Variants in RAF1 observed in about 807,000 individuals in gnomAD.
RAF1 encodes RAF proto-oncogene serine/threonine-protein kinase.
A neutral mutation model predicts 81.1 loss-of-function variants in RAF1; 27 were observed. The observed-to-expected ratio is 0.33, with a 90% CI of 0.25 to 0.46. The LOEUF is 0.46. Ranked by LOEUF, RAF1 falls within the 20% of genes least tolerant of loss-of-function variation. The probability of loss-of-function intolerance (pLI) is 1.00; values close to 1 mark genes in which losing one functional copy is unlikely to be tolerated. For missense variants in RAF1, 598 were observed against 826.0 expected (o/e 0.72, Z 3.38); for synonymous variants, 298 against 294.0 (o/e 1.01, Z -0.14).
chr3:12,647,252 C>G (rs1265463196), intron 1 of RAF1, among the ~76,000 whole-genome samples: 4 of 146,564 alleles, frequency 2.7e-5, no homozygotes. Flanking sequence ...GCTGAGATCG[C>G]GCCACTGCAC....
In RAF1 at chr3:12,628,576, T is replaced by C. The variant is rs187972210; in HGVS notation, c.-26-9829A>G. Among the ~76,000 whole-genome samples, 1,148 of 152,184 alleles carry C rather than the reference T, an allele frequency of 7.5e-3. 7 individuals carry two copies. The highest frequency in any genetic ancestry group is 0.025 in the African/African-American group (1,053 of 41,540). On this transcript the variant is annotated intron_variant, in intron 1 of 17. Coordinates refer to ENST00000442415, the MANE Select transcript of RAF1 (RefSeq NM_001354689.3). ...CTAGTTTTCATGTATTTCATTATCG[T>C]GTTAATAAGAAAAAAATCTCAGTAT...
chr3:12,656,449 G>A (rs113145003), intron 1 of RAF1, among the ~76,000 whole-genome samples: 4 of 152,104 alleles, frequency 2.6e-5, no homozygotes, highest in Non-Finnish European at 2.9e-5. Context: ...TCCTCCAACA[G>A]ACAGGTCCTA....
intron 13 of RAF1, chr3:12,589,744 GACAGAGTGAGA>G: frequency 6.6e-6 from 1 of 151,996 alleles, no homozygotes; most frequent in South Asian, 2.1e-4. Flanking sequence ...TAGCATAGGT[GACAGAGTGAGA>G]ACCTGTGTCT....
At chr3:12,608,685 G>C (rs1049976478) in intron 5 of RAF1, 81 bp downstream of exon 5, 1 of 1,480,542 alleles carries the variant, frequency 6.8e-7, no homozygotes, top group Admixed American at 1.7e-5. Flanking sequence ...AGACCTGTCA[G>C]TCAAAATCTA....
chr3:12,653,054 G>C (rs1380545972), intron 1 of RAF1, among the ~76,000 whole-genome samples: 4 of 152,150 alleles, frequency 2.6e-5, no homozygotes, highest in Admixed American at 6.6e-5. Flanking sequence ...GGATGATGCG[G>C]GTAGATCGCT....
Position 12,591,646 on chromosome 3 carries a change from A to G in RAF1, c.1253+62T>C, listed in dbSNP as rs543588551. 4.1e-5 allele frequency: 59 copies of G among 1,436,414 alleles called. No homozygotes were observed. In the East Asian group the frequency reaches 1.0e-3, roughly 24 times the overall value. 89.0% of individuals were successfully genotyped at this position (1,436,414 alleles called of 1,614,324 possible). ...ACCTGCGGCACAGTCCACTAACTCT[A>G]CAGTCCTTGTACTCCCCACTCCAGC... On this transcript the variant is annotated intron_variant, in intron 12 of 17. Coordinates refer to ENST00000442415, the MANE Select transcript of RAF1 (RefSeq NM_001354689.3).
intron 1 of RAF1, among the ~76,000 whole-genome samples, chr3:12,621,200 C>T (rs1444631404): frequency 6.6e-6 from 1 of 152,198 alleles, no homozygotes; most frequent in Non-Finnish European, 1.5e-5. Context: ...CCCCATTTTA[C>T]AGTTGAGAAA....
Position 12,635,232 on chromosome 3 carries a change from T to C in RAF1, c.-26-16485A>G, listed in dbSNP as rs145835084. On this transcript the variant is annotated intron_variant, in intron 1 of 17. Transcript: ENST00000442415. ...TACTCAGGAGGCTGACGCAGGAGAA[T>C]TGCTTGAAACCGGGAGGCGGAGGTT... 5.8e-3 allele frequency among the ~76,000 whole-genome samples: 847 copies of C among 147,018 alleles called. 8 individuals carry two copies. The highest frequency in any genetic ancestry group is 0.019 in the African/African-American group (744 of 39,714).
intron 8 of RAF1, among the ~76,000 whole-genome samples, chr3:12,601,133 A>G (rs371474626): frequency 2.0e-5 from 3 of 152,228 alleles, no homozygotes; most frequent in South Asian, 2.1e-4. Context: ...AGCAGCCTAT[A>G]TACTTTATCC....
chr3:12,636,012 G>A (rs377588162), intron 1 of RAF1, among the ~76,000 whole-genome samples: 22 of 151,394 alleles, frequency 1.5e-4, no homozygotes, highest in Non-Finnish European at 3.1e-4. Flanking sequence ...TAGGCCAGGC[G>A]TGGTGGCTCA....
chr3:12,595,031 T>C (rs538329160), intron 11 of RAF1, among the ~76,000 whole-genome samples: 3 of 152,304 alleles, frequency 2.0e-5, no homozygotes, highest in South Asian at 2.1e-4. Flanking sequence ...GCAAACATTA[T>C]AGGAAAACGG....
intron 11 of RAF1, among the ~76,000 whole-genome samples, chr3:12,597,988 T>C (rs1489670742): frequency 1.4e-5 from 2 of 142,224 alleles, no homozygotes; most frequent in Non-Finnish European, 3.0e-5. Context: ...CAGTAGTACA[T>C]ACTAGATGCA....
At position 12,618,661 on chromosome 3, in the gene RAF1, C is replaced by T. The variant is rs752484962; in HGVS notation, c.61G>A (p.Val21Met). The T allele has an allele frequency of 8.1e-6, 13 of 1,614,092 alleles. No homozygotes were observed. The highest frequency in any genetic ancestry group is 1.6e-4 in the Middle Eastern group (1 of 6,084). Residue 21 changes from valine (V) to methionine (M), a missense_variant, in exon 2 of 18, where the codon GTG (valine) becomes ATG (methionine). Around this residue, in one of 5 missense-constraint regions of RAF1, gnomAD observed 83 missense variants for 72.3 expected, o/e 1.15. Transcript: ENST00000442415. Reference sequence around the variant, plus strand: ...GAGATGCAGCTGGAGCCATCAAACACGGCATCTTTGAATCCAAAACCATTG... The same window carrying T: ...GAGATGCAGCTGGAGCCATCAAACATGGCATCTTTGAATCCAAAACCATTG...
chr3:12,655,369 A>G (rs1298130659), intron 1 of RAF1, among the ~76,000 whole-genome samples: 1 of 152,234 alleles, frequency 6.6e-6, no homozygotes, highest in African/African-American at 2.4e-5. Flanking sequence ...TACAGGCATG[A>G]GCCACCGTGC....
intron 1 of RAF1, among the ~76,000 whole-genome samples, chr3:12,623,561 G>A (rs2059610240): frequency 6.6e-6 from 1 of 152,030 alleles, no homozygotes; most frequent in African/African-American, 2.4e-5. Flanking sequence ...ACTTAGGGAG[G>A]CCGAGGCAGA....
At chr3:12,633,945 A>AC (rs2059940389) in intron 1 of RAF1, among the ~76,000 whole-genome samples, 1 of 151,716 alleles carries the variant, frequency 6.6e-6, no homozygotes, top group Admixed American at 6.6e-5. Context: ...AAAAAAAAAA[A>AC]AAAAAACAAA....
At chr3:12,600,086 C>T (rs1043479438) in intron 10 of RAF1, 66 bp downstream of exon 9, 1 of 1,602,478 alleles carries the variant, frequency 6.2e-7, no homozygotes, top group Non-Finnish European at 8.5e-7. Flanking sequence ...TTTAAGTATT[C>T]TAATTTCCAA....
At chr3:12,635,155 GTC>G (rs2059978820) in intron 1 of RAF1, among the ~76,000 whole-genome samples, 1 of 151,310 alleles carries the variant, frequency 6.6e-6, no homozygotes, top group South Asian at 2.1e-4. Context: ...ATGAAATCCT[GTC>G]TCTGTTAAAA....
At chr3:12,626,197 T>C (rs1043130085) in intron 1 of RAF1, among the ~76,000 whole-genome samples, 23 of 143,134 alleles carry the variant, frequency 1.6e-4, no homozygotes, top group African/African-American at 3.9e-4. Flanking sequence ...TGAGCCAAGA[T>C]AGCGCCATTG....
Sources: gnomAD v4.1 joint callset for allele counts (sites outside exome capture counted in the v4.1 genomes callset) on GRCh38, gnomAD v4.1.1 for gene constraint, gnomAD v4.1.1 regional missense constraint, MANE v1.5 for transcripts, NCBI Gene and HGNC (gene_info 2026-07-23, HGNC 2026-07-21) for gene names.